NBEA: variants seen among roughly 807,000 people sequenced by gnomAD.
The protein encoded by NBEA is lysosomal-trafficking regulator 2.
A neutral mutation model predicts 343.4 loss-of-function variants in NBEA; 44 were observed. The ratio of observed to expected loss-of-function variants is 0.13; its 90% CI spans 0.10 to 0.16. NBEA has a LOEUF of 0.16. Ranked by LOEUF, NBEA falls within the 10% of genes least tolerant of loss-of-function variation. NBEA has a pLI of 1.00. For missense variants in NBEA, 2,555 were observed against 3,631.3 expected, an observed-to-expected ratio of 0.70 and a Z score of 7.62; for synonymous variants, 1,175 against 1,238.7, an observed-to-expected ratio of 0.95 and a Z score of 1.08.
At chr13:35,363,815 GATT>G (rs1364160015) in intron 38 of NBEA, among the ~76,000 whole-genome samples, 1 of 151,872 alleles carries the variant, frequency 6.6e-6, no homozygotes, top group East Asian at 1.9e-4. Flanking sequence ...CTAGCTAAAT[GATT>G]AATTCTAACT....
At chr13:35,404,933 A>G (rs952438649) in intron 38 of NBEA, among the ~76,000 whole-genome samples, 1 of 152,114 alleles carries the variant, frequency 6.6e-6, no homozygotes, top group Non-Finnish European at 1.5e-5. Flanking sequence ...AGAATAGCAT[A>G]GAACTTGGAA....
chr13:35,148,407 T>C (rs1162373041), intron 18 of NBEA, among the ~76,000 whole-genome samples: 1 of 152,194 alleles, frequency 6.6e-6, no homozygotes, highest in Non-Finnish European at 1.5e-5. Context: ...AAATACTATC[T>C]GATCTTATCT....
rs75256782 is a variant in NBEA at position 35,419,589 on chromosome 13, C to T, written c.6180-12680C>T. Among the ~76,000 whole-genome samples the T allele has an allele frequency of 6.4e-4, 97 of 152,116 alleles. 1 individual carries two copies. The East Asian group carries it at 0.017, about 26-fold the overall frequency. On this transcript the variant is annotated intron_variant, in intron 38 of 58. Transcript: ENST00000379939. ...ACTCTAGACTTCTCCCTCAAAAATA[C>T]GTATGTACATATACCATAAAATTTT...
chr13:35,548,550 T>G (rs1006524634), intron 41 of NBEA, among the ~76,000 whole-genome samples: 4 of 152,164 alleles, frequency 2.6e-5, no homozygotes, highest in Non-Finnish European at 5.9e-5. Flanking sequence ...CATGGGAAGA[T>G]CTATCATTTT....
chr13:35,244,148 A>T (rs947329935), intron 34 of NBEA, among the ~76,000 whole-genome samples: 1 of 151,984 alleles, frequency 6.6e-6, no homozygotes, highest in Non-Finnish European at 1.5e-5. Flanking sequence ...TAGAAACTCC[A>T]TAAACACTTA....
At chr13:35,235,031 T>G (rs2075157699) in intron 34 of NBEA, among the ~76,000 whole-genome samples, 1 of 152,196 alleles carries the variant, frequency 6.6e-6, no homozygotes, top group African/African-American at 2.4e-5. Context: ...AGGATAGTTC[T>G]TCAAATATTA....
intron 33 of NBEA, among the ~76,000 whole-genome samples, chr13:35,225,268 T>C (rs1456280779): frequency 6.6e-6 from 1 of 152,148 alleles, no homozygotes; most frequent in South Asian, 2.1e-4. Context: ...TTCTACATGA[T>C]TGGGGATCTG....
chr13:35,519,103 G>C (rs149301207), intron 41 of NBEA, among the ~76,000 whole-genome samples: 3 of 152,142 alleles, frequency 2.0e-5, no homozygotes, highest in South Asian at 2.1e-4. Context: ...TTATGCCTAC[G>C]TGTCTCTTTA....
At chr13:35,662,665 A>G (rs566482174) in intron 55 of NBEA, among the ~76,000 whole-genome samples, 4 of 152,326 alleles carry the variant, frequency 2.6e-5, no homozygotes, top group Admixed American at 2.6e-4. Context: ...GGAAATCGTA[A>G]TGAAAAAAAT....
At chr13:35,260,706 T>A (rs1371283111) in intron 34 of NBEA, among the ~76,000 whole-genome samples, 1 of 152,156 alleles carries the variant, frequency 6.6e-6, no homozygotes. Context: ...AAGGGCAAAA[T>A]TCCACAAGAC....
intron 41 of NBEA, among the ~76,000 whole-genome samples, chr13:35,546,381 C>A (rs2079058705): frequency 6.6e-6 from 1 of 151,506 alleles, no homozygotes; most frequent in Non-Finnish European, 1.5e-5. Context: ...GGGAGAATCG[C>A]TCGAACCCAG....
chr13:35,228,926 AT>A (rs2074819076), intron 33 of NBEA, among the ~76,000 whole-genome samples: 3 of 152,266 alleles, frequency 2.0e-5, no homozygotes, highest in Admixed American at 2.0e-4. Context: ...GTATAAGATT[AT>A]AAAACTCACT....
chr13:35,629,523 C>A (rs1425556569), intron 49 of NBEA, among the ~76,000 whole-genome samples: 2 of 151,940 alleles, frequency 1.3e-5, no homozygotes, highest in Non-Finnish European at 2.9e-5. Flanking sequence ...ACGTTGCAAG[C>A]GTATTATTAG....
In NBEA at chr13:35,366,705, G is replaced by GA. The variant is rs11344970; in HGVS notation, c.6179+14392dup. Among the ~76,000 whole-genome samples, 151 of 145,828 alleles carry GA rather than the reference G, an allele frequency of 1.0e-3. 1 individual carries two copies. The highest frequency in any genetic ancestry group is 4.6e-3 in the East Asian group (23 of 5,018). On this transcript the variant is annotated intron_variant, in intron 38 of 58. Transcript: ENST00000379939. Reference sequence around the variant, plus strand: ...TGTAAGCAGCTACTCAGGTATTCAGGAAAAAAAAAACTGAGGAAATTGGAA... The same window carrying GA: ...TGTAAGCAGCTACTCAGGTATTCAGGAAAAAAAAAAACTGAGGAAATTGGAA...
At position 35,436,479 on chromosome 13, in the gene NBEA, G is replaced by A. The variant is rs555732641; in HGVS notation, c.6304+4086G>A. The stretch of plus-strand genomic sequence containing the variant: ...TAATCCCAGCACTTTGGGAGGCTGA[G>A]GCGGGTGGATCACGAGGTCAGGAGA... On this transcript the variant is annotated intron_variant, in intron 39 of 58. Transcript: ENST00000379939. Among the ~76,000 whole-genome samples, 146 of 152,328 alleles carry A rather than the reference G, an allele frequency of 9.6e-4. 1 individual carries two copies. The highest frequency in any genetic ancestry group is 1.8e-3 in the Non-Finnish European group (120 of 68,032).
chr13:35,214,004 A>G (rs2073930082), intron 33 of NBEA, among the ~76,000 whole-genome samples: 1 of 151,982 alleles, frequency 6.6e-6, no homozygotes, highest in South Asian at 2.1e-4. Flanking sequence ...GACAGTACAT[A>G]CTATTTTTGG....
chr13:34,977,254 TG>T (rs2060210754), intron 1 of NBEA, among the ~76,000 whole-genome samples: 1 of 151,948 alleles, frequency 6.6e-6, no homozygotes. Flanking sequence ...CTATTACCTT[TG>T]CTTATATACT....
At chr13:35,048,470 AT>A in intron 4 of NBEA, 92 bp from the exon 5 acceptor site, 1 of 1,158,038 alleles carries the variant, frequency 8.6e-7, no homozygotes, top group Non-Finnish European at 1.2e-6. Context: ...TTATACTTTG[AT>A]TGTTATTTAA....
intron 1 of NBEA, among the ~76,000 whole-genome samples, chr13:34,983,326 A>G (rs553382171): frequency 6.6e-6 from 1 of 152,204 alleles, no homozygotes; most frequent in East Asian, 1.9e-4. Flanking sequence ...TTCCAGCTGC[A>G]TCCATGTCCC....
Sources: allele counts gnomAD v4.1 joint callset (sites outside exome capture counted in the v4.1 genomes callset), GRCh38; gene constraint gnomAD v4.1.1; transcripts MANE v1.5; gene names NCBI Gene and HGNC (gene_info 2026-07-23, HGNC 2026-07-21).